The following RBFOX1 variants were observed in gnomAD, a reference collection of about 807,000 sequenced individuals.
The protein encoded by RBFOX1 is RNA binding fox-1 homolog 1.
RBFOX1 carries 8 observed loss-of-function variants against 57.7 expected under a neutral mutation model. The observed-to-expected ratio is 0.14, with a 90% CI of 0.08 to 0.25. RBFOX1 has a LOEUF of 0.25. Among genes scored for constraint, RBFOX1 ranks in the 10% least tolerant of loss-of-function variants. RBFOX1 has a pLI of 1.00. For synonymous variants in RBFOX1, 326 were observed against 222.4 expected, an observed-to-expected ratio of 1.47 and a Z score of -4.15; for missense variants, 611 against 548.5, an observed-to-expected ratio of 1.11 and a Z score of -1.14.
chr16:5,446,039 T>C (rs2068229499), intron 1 of RBFOX1, among the ~76,000 whole-genome samples: 1 of 152,224 alleles, frequency 6.6e-6, no homozygotes, highest in Non-Finnish European at 1.5e-5. Context: ...TAAATGGTCT[T>C]GGAAGTAAAT....
chr16:6,091,068 C>A (rs753717728), intron 1 of RBFOX1, among the ~76,000 whole-genome samples: 1 of 152,168 alleles, frequency 6.6e-6, no homozygotes, highest in African/African-American at 2.4e-5. Context: ...CTTTTCAAAT[C>A]TTCTTTTCTA....
intron 3 of RBFOX1, among the ~76,000 whole-genome samples, chr16:6,880,034 C>A (rs944523259): frequency 1.3e-5 from 2 of 152,182 alleles, no homozygotes; most frequent in African/African-American, 2.4e-5. Flanking sequence ...TCTGTTTCCT[C>A]CATCCATGCA....
At chr16:6,551,315 G>C (rs2096985405) in intron 2 of RBFOX1, among the ~76,000 whole-genome samples, 1 of 152,176 alleles carries the variant, frequency 6.6e-6, no homozygotes, top group Non-Finnish European at 1.5e-5. Flanking sequence ...GGATGGTCTA[G>C]TCTGGGGCTG....
chr16:6,772,052 T>G (rs759135841), intron 3 of RBFOX1, among the ~76,000 whole-genome samples: 1 of 152,168 alleles, frequency 6.6e-6, no homozygotes, highest in Non-Finnish European at 1.5e-5. Context: ...AGGAAAACTA[T>G]GAGGTGCTGT....
intron 1 of RBFOX1, among the ~76,000 whole-genome samples, chr16:5,291,971 A>G (rs1412380830): frequency 6.7e-6 from 1 of 148,788 alleles, no homozygotes; most frequent in Non-Finnish European, 1.5e-5. Flanking sequence ...AGATGTCTAG[A>G]CTTTCAAAGG....
Position 6,425,744 on chromosome 16 carries a change from GTT to G in RBFOX1, c.-64+108689_-64+108690del, listed in dbSNP as rs1356348617. On this transcript the variant is annotated intron_variant, in intron 2 of 15. Transcript: ENST00000550418. ...ACACACACACGAACGTTTTGATAGA[GTT>G]TGCAGAGTTTGCTTCTGTTTCAGAA... Among the ~76,000 whole-genome samples the G allele has an allele frequency of 2.0e-5, 3 of 152,154 alleles. No individual in the cohort carries two copies. In the East Asian group the frequency reaches 5.8e-4, roughly 29 times the overall value.
intron 1 of RBFOX1, among the ~76,000 whole-genome samples, chr16:5,433,684 A>G (rs1405769677): frequency 6.6e-6 from 1 of 152,230 alleles, no homozygotes; most frequent in Non-Finnish European, 1.5e-5. Context: ...TACAACGAAT[A>G]AATGAATGAG....
chr16:5,305,081 C>T lies in RBFOX1; in HGVS notation c.219+64976C>T, dbSNP rs117944673. 3.2e-3 allele frequency among the ~76,000 whole-genome samples: 481 copies of T among 152,122 alleles called. 6 individuals carry two copies. In the East Asian group the frequency reaches 0.037, roughly 12 times the overall value. On this transcript the variant is annotated intron_variant, in intron 1 of 2. Transcript: ENST00000585867. ...GATGTAGTGACTCAGGTGGGCTTTG[C>T]AAGGGGGTAGATACTGAACGAAGGT...
chr16:6,310,217 G>A (rs1446019778), intron 1 of RBFOX1, among the ~76,000 whole-genome samples: 1 of 152,200 alleles, frequency 6.6e-6, no homozygotes, highest in Non-Finnish European at 1.5e-5. Flanking sequence ...TAAGCCACAT[G>A]TAAACCTTGG....
At chr16:7,152,781 A>G (rs1470184838) in intron 4 of RBFOX1, among the ~76,000 whole-genome samples, 3 of 152,198 alleles carry the variant, frequency 2.0e-5, no homozygotes, top group African/African-American at 7.2e-5. Flanking sequence ...ACGATATTTT[A>G]TGTCTAAGCA....
chr16:6,332,300 C>T (rs927863363), intron 2 of RBFOX1, among the ~76,000 whole-genome samples: 4 of 152,106 alleles, frequency 2.6e-5, no homozygotes, highest in Non-Finnish European at 5.9e-5. Flanking sequence ...TATTATGTAC[C>T]TGTCACTGTG....
chr16:6,357,077 G>A (rs2087469038), intron 2 of RBFOX1, among the ~76,000 whole-genome samples: 1 of 152,014 alleles, frequency 6.6e-6, no homozygotes, highest in Non-Finnish European at 1.5e-5. Context: ...TTGGCCAAGG[G>A]AAGCAGCGCT....
intron 4 of RBFOX1, among the ~76,000 whole-genome samples, chr16:7,347,811 A>G (rs950765332): frequency 6.6e-6 from 1 of 152,160 alleles, no homozygotes; most frequent in Non-Finnish European, 1.5e-5. Flanking sequence ...AGTATTGCTG[A>G]GTAGTCCTGG....
intron 3 of RBFOX1, among the ~76,000 whole-genome samples, chr16:6,985,998 T>G (rs963258925): frequency 1.3e-5 from 2 of 151,666 alleles, no homozygotes; most frequent in African/African-American, 4.8e-5. Context: ...AAATTTTTTT[T>G]CATAAAACAT....
chr16:5,955,906 CT>C (rs1277783549), intron 4 of RBFOX1, among the ~76,000 whole-genome samples: 25 of 152,286 alleles, frequency 1.6e-4, no homozygotes, highest in African/African-American at 5.8e-4. Context: ...ATAGCAAACA[CT>C]TAAAAATGTG....
In RBFOX1 at chr16:6,455,687, T is replaced by C. The variant is rs181956099; in HGVS notation, c.-64+138630T>C. Among the ~76,000 whole-genome samples, 409 of 152,246 alleles carry C rather than the reference T, an allele frequency of 2.7e-3. 4 individuals carry two copies. Among genetic ancestry groups the C allele is most frequent in the Middle Eastern group, 0.01 (3 of 294 alleles). ...AATATATGACGACTTTTTAATCAAG[T>C]GTTAATGGTCTCCTACACTTCACAA... On this transcript the variant is annotated intron_variant, in intron 2 of 15. Transcript: ENST00000550418.
intron 2 of RBFOX1, among the ~76,000 whole-genome samples, chr16:5,493,796 A>G (rs890296910): frequency 3.3e-5 from 5 of 152,242 alleles, no homozygotes; most frequent in African/African-American, 1.2e-4. Context: ...GCACAAGGTA[A>G]CCACACTGGA....
intron 1 of RBFOX1, among the ~76,000 whole-genome samples, chr16:5,275,526 G>A (rs1196832087): frequency 6.6e-6 from 1 of 152,158 alleles, no homozygotes; most frequent in Non-Finnish European, 1.5e-5. Flanking sequence ...ACTGCTGAAA[G>A]AAATCATAGA....
intron 4 of RBFOX1, among the ~76,000 whole-genome samples, chr16:7,249,856 T>C (rs925323204): frequency 2.6e-5 from 4 of 152,228 alleles, no homozygotes; most frequent in East Asian, 3.8e-4. Flanking sequence ...GTTATACAAA[T>C]GTTTAAGCCT....
Sources: gnomAD v4.1 joint callset for allele counts (sites outside exome capture counted in the v4.1 genomes callset) on GRCh38, gnomAD v4.1.1 for gene constraint, MANE v1.5 for transcripts, NCBI Gene and HGNC (gene_info 2026-07-23, HGNC 2026-07-21) for gene names.